Variants in ATP9A observed in about 807,000 individuals in gnomAD.
ATP9A encodes probable phospholipid-transporting ATPase IIA.
A neutral mutation model predicts 144.1 loss-of-function variants in ATP9A; 52 were observed. The ratio of observed to expected loss-of-function variants is 0.36; its 90% confidence interval spans 0.29 to 0.45. The LOEUF is 0.45. Among genes scored for constraint, ATP9A ranks in the 20% least tolerant of loss-of-function variants. The pLI, the probability that ATP9A is intolerant of heterozygous loss-of-function variation, is 1.00. For missense variants in ATP9A, 947 were observed against 1,392.7 expected (o/e 0.68, Z 5.09); for synonymous variants, 582 against 557.4 (o/e 1.04, Z -0.62).
intron 1 of ATP9A, among the ~76,000 whole-genome samples, chr20:51,738,491 G>A (rs555988151): frequency 6.6e-6 from 1 of 151,786 alleles, no homozygotes; most frequent in Non-Finnish European, 1.5e-5. Context: ...ATCACCTGAG[G>A]TCAGGAGTTC....
chr20:51,651,145 T>C (rs2077362600), intron 14 of ATP9A, among the ~76,000 whole-genome samples: 1 of 130,810 alleles, frequency 7.6e-6, no homozygotes, highest in Non-Finnish European at 1.6e-5. Context: ...GTCCTCTCTC[T>C]CTCTCTCCAT....
intron 17 of ATP9A, 113 bp from the exon 18 acceptor site, chr20:51,625,475 A>G (rs1601064698): frequency 1.6e-6 from 2 of 1,261,576 alleles, no homozygotes; most frequent in Non-Finnish European, 2.1e-6. Flanking sequence ...GGGGTGGGGG[A>G]CCCCAGCAGG....
intron 14 of ATP9A, among the ~76,000 whole-genome samples, chr20:51,656,599 G>A (rs1347770566): frequency 1.3e-5 from 2 of 152,154 alleles, no homozygotes; most frequent in African/African-American, 2.4e-5. Flanking sequence ...TAGGTAGACT[G>A]TATGGAATGT....
intron 17 of ATP9A, among the ~76,000 whole-genome samples, chr20:51,626,863 C>T (rs1388951700): frequency 6.6e-6 from 1 of 152,028 alleles, no homozygotes; most frequent in Non-Finnish European, 1.5e-5. Flanking sequence ...TCGAGACCAG[C>T]CTGGCCAATA....
intron 4 of ATP9A, among the ~76,000 whole-genome samples, chr20:51,711,540 C>G (rs2077638517): frequency 6.6e-6 from 1 of 152,184 alleles, no homozygotes; most frequent in Non-Finnish European, 1.5e-5. Flanking sequence ...CCTTTATTCC[C>G]CTCCACCTCT....
chr20:51,758,963 G>A (rs1406319865), intron 1 of ATP9A, among the ~76,000 whole-genome samples: 2 of 152,160 alleles, frequency 1.3e-5, no homozygotes, highest in East Asian at 3.9e-4. Context: ...AGGAAGCCCG[G>A]CAGGCACGGC....
chr20:51,614,976 G>A (rs1396337114), intron 22 of ATP9A, among the ~76,000 whole-genome samples: 2 of 151,526 alleles, frequency 1.3e-5, no homozygotes, highest in African/African-American at 4.9e-5. Flanking sequence ...GACAGATGGG[G>A]GAATTTGAGC....
chr20:51,686,186 G>A (rs564216917), intron 9 of ATP9A, among the ~76,000 whole-genome samples: 32 of 152,164 alleles, frequency 2.1e-4, no homozygotes, highest in Non-Finnish European at 3.8e-4. Flanking sequence ...TGGACACAGG[G>A]TGGGGAACAT....
intron 14 of ATP9A, among the ~76,000 whole-genome samples, chr20:51,646,329 A>G (rs2077342203): frequency 6.6e-6 from 1 of 152,220 alleles, no homozygotes; most frequent in South Asian, 2.1e-4. Flanking sequence ...AGCAGGATAC[A>G]TACCAATCAT....
chr20:51,721,236 C>T (rs1039167856), intron 3 of ATP9A, among the ~76,000 whole-genome samples: 1 of 152,266 alleles, frequency 6.6e-6, no homozygotes, highest in Non-Finnish European at 1.5e-5. Flanking sequence ...TATCATCCCT[C>T]ACCTACTGCC....
At chr20:51,732,995 C>G (rs2077748548) in intron 1 of ATP9A, among the ~76,000 whole-genome samples, 1 of 151,752 alleles carries the variant, frequency 6.6e-6, no homozygotes, top group South Asian at 2.1e-4. Flanking sequence ...CATAGTTGTA[C>G]AGTTCTAATG....
chr20:51,685,314 A>C (rs1464638513), intron 9 of ATP9A, among the ~76,000 whole-genome samples: 1 of 152,188 alleles, frequency 6.6e-6, no homozygotes, highest in East Asian at 1.9e-4. Context: ...TAATCCCAGC[A>C]CTTTAAGAGA....
chr20:51,728,239 T>C (rs1447497890), intron 2 of ATP9A, among the ~76,000 whole-genome samples: 1 of 152,192 alleles, frequency 6.6e-6, no homozygotes, highest in African/African-American at 2.4e-5. Context: ...CATCAGACTT[T>C]CCATGAATGA....
At chr20:51,625,578 C>A (rs1369818755) in intron 17 of ATP9A, among the ~76,000 whole-genome samples, 1 of 152,216 alleles carries the variant, frequency 6.6e-6, no homozygotes, top group African/African-American at 2.4e-5. Context: ...ACCCTACACT[C>A]CACACTCACC....
At chr20:51,652,561 T>C (rs2077370804) in intron 14 of ATP9A, among the ~76,000 whole-genome samples, 4 of 152,178 alleles carry the variant, frequency 2.6e-5, no homozygotes, top group Non-Finnish European at 1.5e-5. Context: ...ACAGTACGGC[T>C]TTCTGAAAGA....
intron 14 of ATP9A, among the ~76,000 whole-genome samples, chr20:51,643,276 TTC>T (rs1306369405): frequency 1.3e-5 from 2 of 152,208 alleles, no homozygotes; most frequent in Non-Finnish European, 2.9e-5. Flanking sequence ...TAGTGGGTTT[TTC>T]TGTTTTTATT....
chr20:51,630,562 C>T (rs576388279), intron 15 of ATP9A, among the ~76,000 whole-genome samples: 70 of 152,052 alleles, frequency 4.6e-4, no homozygotes, highest in African/African-American at 1.6e-3. Flanking sequence ...ATTAGCTGGG[C>T]GTGGTGGTGC....
chr20:51,635,830 G>GGAAGGAAGGA (rs1568795826), intron 15 of ATP9A, among the ~76,000 whole-genome samples: 1 of 58,336 alleles, frequency 1.7e-5, no homozygotes, highest in Non-Finnish European at 3.2e-5. Flanking sequence ...GGAAGGGAGG[G>GGAAGGAAGGA]AGGGAGGGAG....
intron 3 of ATP9A, among the ~76,000 whole-genome samples, chr20:51,722,320 A>T (rs2077692988): frequency 1.3e-5 from 2 of 152,270 alleles, no homozygotes; most frequent in Admixed American, 1.3e-4. Flanking sequence ...AGCAAATGCA[A>T]TAAAAACAAA....
Sources: gnomAD v4.1 joint callset for allele counts (sites outside exome capture counted in the v4.1 genomes callset) on GRCh38, gnomAD v4.1.1 for gene constraint, MANE v1.5 for transcripts, NCBI Gene and HGNC (gene_info 2026-07-23, HGNC 2026-07-21) for gene names.